The following MEF2C variants were observed in gnomAD, a reference collection of about 807,000 sequenced individuals.
MEF2C encodes the protein myocyte-specific enhancer factor 2C.
Under a neutral mutation model 50.5 loss-of-function variants are expected in MEF2C, and 6 were observed. The observed-to-expected ratio is 0.12, with a 90% CI of 0.07 to 0.23. The LOEUF (loss-of-function observed/expected upper bound fraction) is 0.23, where lower values mean the gene tolerates loss of function less well. Among genes scored for constraint, MEF2C ranks in the 10% least tolerant of loss-of-function variants. The pLI, the probability that MEF2C is intolerant of heterozygous loss-of-function variation, is 1.00. For synonymous variants in MEF2C, 183 were observed against 228.0 expected (o/e 0.80, Z 1.78); for missense variants, 276 against 605.0 (o/e 0.46, Z 5.70).
intron 1 of MEF2C, among the ~76,000 whole-genome samples, chr5:88,900,389 T>G (rs907464016): frequency 2.0e-5 from 3 of 151,822 alleles, no homozygotes; most frequent in African/African-American, 7.2e-5. Context: ...TATTTTGTAT[T>G]TTTAATTACT....
At chr5:88,851,609 A>G (rs1821390798) in intron 1 of MEF2C, among the ~76,000 whole-genome samples, 1 of 152,036 alleles carries the variant, frequency 6.6e-6, no homozygotes, top group Non-Finnish European at 1.5e-5. Context: ...TTTTTCTACT[A>G]GCTTTTAGCT....
chr5:88,769,449 C>T (rs1781445493), intron 3 of MEF2C, among the ~76,000 whole-genome samples: 1 of 152,126 alleles, frequency 6.6e-6, no homozygotes, highest in Non-Finnish European at 1.5e-5. Flanking sequence ...GGAACCCGGA[C>T]AGGGCATGCA....
chr5:88,819,818 G>A (rs1159162847), intron 2 of MEF2C, among the ~76,000 whole-genome samples: 1 of 151,830 alleles, frequency 6.6e-6, no homozygotes, highest in African/African-American at 2.4e-5. Flanking sequence ...ACTGCATACG[G>A]CTTTCAGACT....
At chr5:88,817,645 G>A (rs2153186207) in intron 2 of MEF2C, among the ~76,000 whole-genome samples, 1 of 151,974 alleles carries the variant, frequency 6.6e-6, no homozygotes, top group East Asian at 1.9e-4. Flanking sequence ...TTGTTTGCTG[G>A]CAAAAACTAT....
Position 88,720,658 on chromosome 5 carries a change from T to C in MEF2C, c.*1946A>G, listed in dbSNP as rs1756020202. 6.6e-6 allele frequency: 1 copy of C among 152,590 alleles called. No homozygotes were observed. Among genetic ancestry groups the C allele is most frequent in the African/African-American group, 2.4e-5 (1 of 41,444 alleles). The allele number at this position is 152,590 out of a possible 1,614,324, so 9.5% of individuals were successfully genotyped here. ...GGAGATGAATCGACAGATCTTCACA[T>C]TCCAAGAGAAGGAAAATCTTTCCTA... On this transcript the variant is annotated 3_prime_UTR_variant, in exon 11 of 11. Transcript: ENST00000504921.
At chr5:88,853,131 C>A (rs539885142) in intron 1 of MEF2C, among the ~76,000 whole-genome samples, 1 of 151,950 alleles carries the variant, frequency 6.6e-6, no homozygotes, top group African/African-American at 2.4e-5. Context: ...CGCTGAGGTG[C>A]GAGGATCACT....
In MEF2C at chr5:88,840,632, G is replaced by GT. The variant is rs200918842; in HGVS notation, c.-142-16703dup. ...TCCACATTTTGTATTTAGAGAGTTT[G>GT]TTTTTTTTTCTCCTTGGCTTCAAGA... On this transcript the variant is annotated intron_variant, in intron 1 of 10. Transcript: ENST00000504921. 2.4e-4 allele frequency among the ~76,000 whole-genome samples: 36 copies of GT among 150,800 alleles called. 2 individuals carry two copies. The East Asian group carries it at 3.5e-3, about 15-fold the overall frequency.
chr5:88,885,557 A>T (rs1833975642), upstream of MEF2C, among the ~76,000 whole-genome samples: 1 of 152,216 alleles, frequency 6.6e-6, no homozygotes, highest in Non-Finnish European at 1.5e-5. Flanking sequence ...AATTCATTTT[A>T]ATAATATGGC....
intron 4 of MEF2C, among the ~76,000 whole-genome samples, chr5:88,755,219 G>A (rs183382045): frequency 6.6e-6 from 1 of 152,238 alleles, no homozygotes; most frequent in Admixed American, 6.5e-5. Flanking sequence ...TGACACAAAA[G>A]TAAAGCTTCT....
At chr5:88,882,156 CA>C (rs1833073445) in intron 1 of MEF2C, among the ~76,000 whole-genome samples, 1 of 152,122 alleles carries the variant, frequency 6.6e-6, no homozygotes, top group Admixed American at 6.6e-5. Flanking sequence ...ATAAAATAAA[CA>C]ATGTGCCACA....
chr5:88,737,090 A>T (rs1764443738), intron 6 of MEF2C: 1 of 984,760 alleles, frequency 1.0e-6, no homozygotes, highest in Middle Eastern at 5.2e-4. Flanking sequence ...TAGAAAAATT[A>T]AGAATTATTC....
intron 1 of MEF2C, among the ~76,000 whole-genome samples, chr5:88,834,837 T>G (rs1814444540): frequency 6.6e-6 from 1 of 152,170 alleles, no homozygotes; most frequent in African/African-American, 2.4e-5. Context: ...AACATACACA[T>G]TCTATTATGA....
intron 1 of MEF2C, among the ~76,000 whole-genome samples, chr5:88,882,393 C>G (rs145096474): frequency 1.2e-4 from 19 of 152,288 alleles, no homozygotes; most frequent in African/African-American, 4.6e-4. Flanking sequence ...AATTAAGAAG[C>G]CCTCTGTCAA....
At chr5:88,852,937 G>A (rs1821928162) in intron 1 of MEF2C, among the ~76,000 whole-genome samples, 1 of 151,844 alleles carries the variant, frequency 6.6e-6, no homozygotes, top group African/African-American at 2.4e-5. Context: ...AAAGAATGTA[G>A]TTCTAGCCAG....
intron 6 of MEF2C, chr5:88,735,508 A>C (rs1763720212): frequency 1.0e-6 from 1 of 983,724 alleles, no homozygotes; most frequent in Non-Finnish European, 1.2e-6. Flanking sequence ...TGAAGTACAG[A>C]CCAACTTTAG....
chr5:88,766,892 T>G (rs941437787), intron 3 of MEF2C: 33 of 896,330 alleles, frequency 3.7e-5, no homozygotes, highest in Middle Eastern at 1.1e-3. Context: ...CCTGAATCAT[T>G]TTTTTGCTTG....
intron 3 of MEF2C, among the ~76,000 whole-genome samples, chr5:88,778,906 G>A (rs1232499866): frequency 6.6e-6 from 1 of 152,212 alleles, no homozygotes; most frequent in Non-Finnish European, 1.5e-5. Flanking sequence ...GGGTAGGGCT[G>A]GCAGGACCTG....
At chr5:88,902,801 G>T (rs1256719129) in intron 1 of MEF2C, among the ~76,000 whole-genome samples, 1 of 151,314 alleles carries the variant, frequency 6.6e-6, no homozygotes, top group Admixed American at 6.6e-5. Context: ...CCACAGCCCA[G>T]AAAATTGATT....
intron 2 of MEF2C, among the ~76,000 whole-genome samples, chr5:88,808,728 G>A (rs1273618718): frequency 6.6e-6 from 1 of 152,032 alleles, no homozygotes; most frequent in South Asian, 2.1e-4. Context: ...TTCATAGTTA[G>A]ATAAAATTAT....
Sources: gnomAD v4.1 joint callset for allele counts (sites outside exome capture counted in the v4.1 genomes callset) on GRCh38, gnomAD v4.1.1 for gene constraint, MANE v1.5 for transcripts, NCBI Gene and HGNC (gene_info 2026-07-23, HGNC 2026-07-21) for gene names.